Variants in COL10A1 observed in about 807,000 individuals in gnomAD.
COL10A1 encodes the protein collagen alpha-1(X) chain.
COL10A1 carries 10 observed loss-of-function variants against 18.2 expected under a neutral mutation model. The ratio of observed to expected loss-of-function variants is 0.55; its 90% CI spans 0.34 to 0.93. COL10A1 has a LOEUF of 0.93. COL10A1 is among the 40% of genes least tolerant of loss of function. The pLI is 0.02. For missense variants in COL10A1, 897 were observed against 853.5 expected, an observed-to-expected ratio of 1.05 and a Z score of -0.64; for synonymous variants, 330 against 316.6, an observed-to-expected ratio of 1.04 and a Z score of -0.45.
At chr6:116,157,179 C>G (rs570945144) in intron 1 of COL10A1, among the ~76,000 whole-genome samples, 1 of 152,098 alleles carries the variant, frequency 6.6e-6, no homozygotes, top group East Asian at 1.9e-4. Flanking sequence ...GATATTTGCC[C>G]CTTTTCCCTC....
the COL10A1 span, among the ~76,000 whole-genome samples, chr6:116,172,609 C>T: frequency 4.2e-4 from 64 of 152,140 alleles, no homozygotes; most frequent in East Asian, 0.01. Flanking sequence ...TGTGAGCCAC[C>T]GCGCCAGGCC....
upstream of COL10A1, among the ~76,000 whole-genome samples, chr6:116,162,387 T>A (rs1437112055): frequency 6.6e-6 from 1 of 152,190 alleles, no homozygotes; most frequent in Non-Finnish European, 1.5e-5. Flanking sequence ...AATTTTTCCC[T>A]GTAAGTATGA....
upstream of COL10A1, among the ~76,000 whole-genome samples, chr6:116,159,122 G>T (rs1215788185): frequency 1.3e-5 from 2 of 152,104 alleles, no homozygotes; most frequent in African/African-American, 4.8e-5. Context: ...TTCCACAGAA[G>T]GATATCTTCT....
At chr6:116,215,864 G>A in the COL10A1 span, among the ~76,000 whole-genome samples, 5 of 152,002 alleles carry the variant, frequency 3.3e-5, no homozygotes, top group Admixed American at 1.3e-4. Context: ...AAATACTGCC[G>A]ACCCAAAATC....
chr6:116,136,072 T>A (rs1447261775), intron 1 of COL10A1, among the ~76,000 whole-genome samples: 1 of 151,990 alleles, frequency 6.6e-6, no homozygotes, highest in African/African-American at 2.4e-5. Flanking sequence ...TTGTGCCACT[T>A]GAAAAACATC....
upstream of COL10A1, among the ~76,000 whole-genome samples, chr6:116,129,207 T>C (rs1374757028): frequency 3.3e-5 from 5 of 152,216 alleles, no homozygotes; most frequent in Admixed American, 6.5e-5. Flanking sequence ...CACATACATA[T>C]ATAGACATGT....
At chr6:116,199,696 G>A in the COL10A1 span, among the ~76,000 whole-genome samples, 1 of 151,998 alleles carries the variant, frequency 6.6e-6, no homozygotes, top group Non-Finnish European at 1.5e-5. Context: ...ATGGAGGTGT[G>A]TAAAAGGGAC....
chr6:116,127,793 G>A (rs1188181153), upstream of COL10A1, among the ~76,000 whole-genome samples: 1 of 152,124 alleles, frequency 6.6e-6, no homozygotes, highest in East Asian at 1.9e-4. Context: ...CTGATACCCT[G>A]TTAGTTATCA....
chr6:116,179,539 T>C, the COL10A1 span, among the ~76,000 whole-genome samples: 3 of 152,088 alleles, frequency 2.0e-5, no homozygotes, highest in African/African-American at 7.2e-5. Context: ...GACAAAATGC[T>C]CAACGTCACT....
At chr6:116,192,460 T>C in the COL10A1 span, among the ~76,000 whole-genome samples, 6 of 152,078 alleles carry the variant, frequency 3.9e-5, no homozygotes, top group Non-Finnish European at 7.4e-5. Flanking sequence ...AGGGTTTAAC[T>C]ATATACAGAT....
At chr6:116,148,053 T>C (rs915127936) in intron 1 of COL10A1, among the ~76,000 whole-genome samples, 6 of 151,824 alleles carry the variant, frequency 4.0e-5, no homozygotes, top group African/African-American at 1.5e-4. Context: ...CCAGAATATA[T>C]TTAGTAGAAA....
At chr6:116,200,415 A>G in the COL10A1 span, among the ~76,000 whole-genome samples, 1 of 152,038 alleles carries the variant, frequency 6.6e-6, no homozygotes, top group African/African-American at 2.4e-5. Context: ...ATAATAATGT[A>G]TTGGTATTGC....
chr6:116,150,403 A>G (rs1239238924), intron 1 of COL10A1, among the ~76,000 whole-genome samples: 1 of 151,914 alleles, frequency 6.6e-6, no homozygotes, highest in Non-Finnish European at 1.5e-5. Flanking sequence ...TCCTGCCTCA[A>G]CCTCCCAAGT....
Position 116,125,525 on chromosome 6 carries a change from A to AG in COL10A1, c.-15-19_-15-18insC. 2 of 1,610,052 alleles carry AG rather than the reference A, an allele frequency of 1.2e-6. No homozygotes were observed. The highest frequency in any genetic ancestry group is 1.7e-6 in the Non-Finnish European group (2 of 1,176,858). ...GATGGATTCTGAAAAACAGAAAAGA[A>AG]TAACTTTATACAGCATTGTTATTAA... is the stretch of plus-strand genomic sequence containing the variant. On this transcript the variant is annotated intron_variant, in intron 1 of 2. Coordinates refer to ENST00000651968, the MANE Select transcript of COL10A1 (RefSeq NM_000493.4).
At chr6:116,125,805 G>C (rs1437609745) in intron 1 of COL10A1, 1 of 242,568 alleles carries the variant, frequency 4.1e-6, no homozygotes, top group Non-Finnish European at 8.1e-6. Context: ...CTTTGACATA[G>C]CCTGAAATAT....
At chr6:116,154,013 C>A in intron 1 of COL10A1, among the ~76,000 whole-genome samples, 1 of 150,116 alleles carries the variant, frequency 6.7e-6, no homozygotes, top group Non-Finnish European at 1.5e-5. Context: ...ACAATACATG[C>A]CTAAAGGGAA....
At chr6:116,129,033 C>A (rs117722022), upstream of COL10A1, among the ~76,000 whole-genome samples, 491 of 152,242 alleles carry the variant, frequency 3.2e-3, 1 homozygote, top group Admixed American at 9.4e-3. Flanking sequence ...TCTTTTCATT[C>A]ACCACTCCTT....
chr6:116,145,428 T>C (rs1383681367), intron 1 of COL10A1: 3 of 366,526 alleles, frequency 8.2e-6, no homozygotes, highest in Non-Finnish European at 1.8e-5. Flanking sequence ...TGTTCTTTAT[T>C]ATCTCTTAGT....
At chr6:116,211,988 A>G in the COL10A1 span, among the ~76,000 whole-genome samples, 1 of 152,106 alleles carries the variant, frequency 6.6e-6, no homozygotes, top group Non-Finnish European at 1.5e-5. Context: ...ATAAGAACCC[A>G]GGCTTAGGGC....
Sources: allele counts gnomAD v4.1 joint callset (sites outside exome capture counted in the v4.1 genomes callset), GRCh38; gene constraint gnomAD v4.1.1; transcripts MANE v1.5; gene names NCBI Gene and HGNC (gene_info 2026-07-23, HGNC 2026-07-21).